Variants in DCAF5 observed in about 807,000 individuals in gnomAD.
DCAF5 encodes DDB1 and CUL4 associated factor 5, also known as DDB1- and CUL4-associated factor 5.
Under a neutral mutation model 80.7 loss-of-function variants are expected in DCAF5, and 9 were observed. The ratio of observed to expected loss-of-function variants is 0.11; its 90% CI spans 0.07 to 0.19. The LOEUF (loss-of-function observed/expected upper bound fraction) is 0.19, where lower values mean the gene tolerates loss of function less well. DCAF5 is among the 10% of genes least tolerant of loss of function. The pLI is 1.00. For missense variants in DCAF5, 842 were observed against 1,205.7 expected (o/e 0.70, Z 4.47); for synonymous variants, 433 against 461.9 (o/e 0.94, Z 0.80).
chr14:69,144,194 T>C (rs944491719), intron 1 of DCAF5, among the ~76,000 whole-genome samples: 1 of 151,832 alleles, frequency 6.6e-6, no homozygotes, highest in Middle Eastern at 3.4e-3. Flanking sequence ...AAATAAGACA[T>C]GTAAAGTGCT....
intron 1 of DCAF5, among the ~76,000 whole-genome samples, chr14:69,142,418 G>T (rs959205003): frequency 2.6e-5 from 4 of 152,150 alleles, no homozygotes; most frequent in African/African-American, 7.2e-5. Context: ...GGAACCAATG[G>T]AGCAACCTTT....
At chr14:69,069,662 A>T (rs2038606766) in intron 7 of DCAF5, among the ~76,000 whole-genome samples, 1 of 151,862 alleles carries the variant, frequency 6.6e-6, no homozygotes, top group Admixed American at 6.6e-5. Context: ...ATTATTAGAG[A>T]CACAGTCTTG....
rs1282004871 is a variant in DCAF5, at chr14:69,054,967, C to G, written c.1719G>C (p.Glu573Asp). ...AGGTAGAGGCTCGGCGTTCATTCAG[C>G]TCCTCCTCATCCTCAGAGCTGCTAG... Reference protein sequence around the residue: ...SSSSSSEDEEELNERRASTWQ... With the variant: ...SSSSSSEDEEDLNERRASTWQ... The change falls in exon 9 of 9, where the codon GAG becomes GAC. Residue 573 changes from glutamate (E) to aspartate (D), a missense_variant. By Grantham distance (45) the Glu-to-Asp change is conservative. This residue lies in a region of DCAF5 where 607 missense variants were observed against 656.6 expected (regional missense o/e 0.92). Coordinates refer to ENST00000341516, the MANE Select transcript of DCAF5 (RefSeq NM_003861.3). 3.1e-6 allele frequency: 5 copies of G among 1,614,206 alleles called. No homozygotes were observed.
At chr14:69,099,721 T>C (rs915538228) in intron 5 of DCAF5, among the ~76,000 whole-genome samples, 1 of 152,070 alleles carries the variant, frequency 6.6e-6, no homozygotes, top group Non-Finnish European at 1.5e-5. Flanking sequence ...AGCAAGAGAA[T>C]TGCTTGAGCT....
intron 6 of DCAF5, among the ~76,000 whole-genome samples, chr14:69,077,228 C>A (rs1018953654): frequency 2.0e-5 from 3 of 152,134 alleles, no homozygotes; most frequent in African/African-American, 4.8e-5. Flanking sequence ...TATGTGACAG[C>A]GTCTTGCTGT....
At chr14:69,064,448 G>A (rs2139856785) in intron 7 of DCAF5, among the ~76,000 whole-genome samples, 1 of 152,258 alleles carries the variant, frequency 6.6e-6, no homozygotes, top group East Asian at 1.9e-4. Context: ...GGGGATTTAA[G>A]TGACTTATCC....
At chr14:69,098,280 T>G (rs2039808284) in intron 5 of DCAF5, among the ~76,000 whole-genome samples, 1 of 152,164 alleles carries the variant, frequency 6.6e-6, no homozygotes, top group Non-Finnish European at 1.5e-5. Context: ...CTGAGCATAG[T>G]TCATTCATTC....
chr14:69,106,117 T>G (rs1481604253), intron 5 of DCAF5, among the ~76,000 whole-genome samples: 3 of 150,852 alleles, frequency 2.0e-5, no homozygotes, highest in Non-Finnish European at 3.0e-5. Context: ...GTGCAATGGT[T>G]GCAATCTCAG....
At chr14:69,119,311 TC>T in intron 2 of DCAF5, 81 bp from the exon 3 acceptor site, 1 of 1,454,936 alleles carries the variant, frequency 6.9e-7, no homozygotes, top group Non-Finnish European at 9.4e-7. Flanking sequence ...TTTTAAGTTT[TC>T]AGGGAAAAAA....
intron 5 of DCAF5, among the ~76,000 whole-genome samples, chr14:69,102,506 C>T: frequency 6.7e-6 from 1 of 150,280 alleles, no homozygotes; most frequent in Non-Finnish European, 1.5e-5. Context: ...CATTGTGCAG[C>T]TGTACAAAAG....
chr14:69,112,459 G>T (rs2040400355), intron 5 of DCAF5, among the ~76,000 whole-genome samples: 2 of 152,080 alleles, frequency 1.3e-5, no homozygotes, highest in African/African-American at 4.8e-5. Context: ...AGGGAACTGG[G>T]TGTGGTGGCT....
chr14:69,141,705 C>T (rs1030321126), intron 1 of DCAF5, among the ~76,000 whole-genome samples: 1 of 152,166 alleles, frequency 6.6e-6, no homozygotes, highest in African/African-American at 2.4e-5. Flanking sequence ...GTAGAGTTAC[C>T]TAATGAACCT....
At chr14:69,067,080 T>A (rs1231035183) in intron 7 of DCAF5, among the ~76,000 whole-genome samples, 1 of 152,244 alleles carries the variant, frequency 6.6e-6, no homozygotes, top group Non-Finnish European at 1.5e-5. Flanking sequence ...CATAATTTAC[T>A]ATGTTTATTG....
intron 1 of DCAF5, among the ~76,000 whole-genome samples, chr14:69,127,356 A>G (rs2040908567): frequency 6.6e-6 from 1 of 152,248 alleles, no homozygotes; most frequent in Admixed American, 6.5e-5. Context: ...AGAAACCTTA[A>G]GTACACATTA....
rs1326735558 is a variant in DCAF5 at position 69,062,377 on chromosome 14, G to A, written c.1074+7C>T. 6.2e-7 allele frequency: 1 copy of A among 1,613,250 alleles called. No individual in the cohort carries two copies. Among genetic ancestry groups the A allele is most frequent in the Non-Finnish European group, 8.5e-7 (1 of 1,179,486 alleles). The stretch of plus-strand genomic sequence containing the variant: ...CTCTAAAAGGACAGAAGGGGAAGGT[G>A]CCTCACCTTGATAATCTTTTCTACA... On this transcript the variant is annotated splice_region_variant and intron_variant, in intron 8 of 8. Transcript: ENST00000341516.
intron 7 of DCAF5, among the ~76,000 whole-genome samples, chr14:69,073,372 G>A (rs1162940956): frequency 1.3e-5 from 2 of 152,136 alleles, no homozygotes; most frequent in East Asian, 1.9e-4. Flanking sequence ...CACCTTGATC[G>A]TGGACTTCTA....
chr14:69,135,251 C>T (rs563948105), intron 1 of DCAF5, among the ~76,000 whole-genome samples: 1 of 152,274 alleles, frequency 6.6e-6, no homozygotes, highest in East Asian at 1.9e-4. Flanking sequence ...GGTGCCTTGG[C>T]GCTAGGGCAG....
chr14:69,153,081 A>T lies in DCAF5; in HGVS notation c.-103T>A, dbSNP rs1342362617. 1.1e-6 allele frequency: 1 copy of T among 939,106 alleles called. No homozygotes were observed. The highest frequency in any genetic ancestry group is 1.5e-6 in the Non-Finnish European group (1 of 683,086). The allele number at this position is 939,106 out of a possible 1,614,324, so 58.2% of individuals were successfully genotyped here. ...GCCCTCCCCCCGCGCTGCGATCCGGATGGTTCTTTAACCAGCCATGGCAGG... is the reference window on the plus strand; with the variant it reads ...GCCCTCCCCCCGCGCTGCGATCCGGTTGGTTCTTTAACCAGCCATGGCAGG... On this transcript the variant is annotated 5_prime_UTR_variant, in exon 1 of 9. Transcript: ENST00000341516.
rs2037770761 is a variant in DCAF5, at chr14:69,051,783, A to G, written c.*2074T>C. ...CTAAGTACTTATTAAAATAAAATAA[A>G]TAGAATAGAATAAAATAAAGGACTG... On this transcript the variant is annotated 3_prime_UTR_variant, in exon 9 of 9. Coordinates refer to ENST00000341516, the MANE Select transcript of DCAF5 (RefSeq NM_003861.3). The G allele has an allele frequency of 6.6e-6, 1 of 152,654 alleles. No homozygotes were observed. The highest frequency in any genetic ancestry group is 2.1e-4 in the South Asian group (1 of 4,832). The allele number at this position is 152,654 out of a possible 1,614,324, so 9.5% of individuals were successfully genotyped here. A position where few individuals can be genotyped will look rare whatever the true frequency, so the allele number is the denominator to read the frequency against.
Sources: allele counts gnomAD v4.1 joint callset (sites outside exome capture counted in the v4.1 genomes callset), GRCh38; gene constraint gnomAD v4.1.1; regional missense constraint gnomAD v4.1.1; transcripts MANE v1.5; gene names NCBI Gene and HGNC (gene_info 2026-07-23, HGNC 2026-07-21).